The following EYS variants were observed in gnomAD, a reference collection of about 807,000 sequenced individuals.
EYS encodes protein eyes shut homolog.
In EYS, 250 loss-of-function variants were observed where a neutral mutation model predicts 282.1. The ratio of observed to expected loss-of-function variants is 0.89; its 90% CI spans 0.80 to 0.98. The LOEUF (loss-of-function observed/expected upper bound fraction) is 0.98. EYS is among the 50% of genes least tolerant of loss of function. The probability of loss-of-function intolerance (pLI) is 0.00; values close to 1 mark genes in which losing one functional copy is unlikely to be tolerated. For synonymous variants in EYS, 1,355 were observed against 1,282.9 expected (o/e 1.06, Z -1.20); for missense variants, 4,016 against 3,709.0 (o/e 1.08, Z -2.15).
At chr6:65,180,816 G>A (rs1432560099) in intron 12 of EYS, among the ~76,000 whole-genome samples, 2 of 152,024 alleles carry the variant, frequency 1.3e-5, no homozygotes, top group Non-Finnish European at 2.9e-5. Flanking sequence ...ATACTACAAG[G>A]CTACAGTAAC....
intron 1 of EYS, among the ~76,000 whole-genome samples, chr6:65,691,427 T>C (rs1346724551): frequency 1.3e-5 from 2 of 150,284 alleles, no homozygotes; most frequent in African/African-American, 4.9e-5. Flanking sequence ...TTTGATAGGG[T>C]TGTTTGTTTT....
chr6:65,234,443 A>G (rs1194789457), intron 12 of EYS, among the ~76,000 whole-genome samples: 1 of 152,202 alleles, frequency 6.6e-6, no homozygotes, highest in Non-Finnish European at 1.5e-5. Context: ...CTTCTCTACC[A>G]GTGAGGGCTA....
intron 29 of EYS, among the ~76,000 whole-genome samples, chr6:64,341,754 T>A (rs1241413248): frequency 1.3e-5 from 2 of 151,664 alleles, no homozygotes; most frequent in Admixed American, 6.6e-5. Flanking sequence ...TCCTTTATCT[T>A]TCATAGATGG....
chr6:64,726,631 CCTGA>C (rs1316734070), intron 22 of EYS, among the ~76,000 whole-genome samples: 3 of 152,022 alleles, frequency 2.0e-5, no homozygotes, highest in East Asian at 3.9e-4. Context: ...AGAATTTATC[CCTGA>C]CTAATTCAAC....
chr6:65,288,753 A>T (rs1348247822), intron 12 of EYS, among the ~76,000 whole-genome samples: 1 of 151,284 alleles, frequency 6.6e-6, no homozygotes, highest in Middle Eastern at 3.4e-3. Context: ...GTCTCCTGCT[A>T]TTTTAAAGAT....
chr6:64,688,181 G>A (rs1369772909), intron 22 of EYS, among the ~76,000 whole-genome samples: 3 of 151,556 alleles, frequency 2.0e-5, no homozygotes, highest in Non-Finnish European at 2.9e-5. Flanking sequence ...AACAGCTCCC[G>A]GATTCATTGA....
At chr6:65,650,524 G>C (rs1174649896) in intron 1 of EYS, among the ~76,000 whole-genome samples, 2 of 152,168 alleles carry the variant, frequency 1.3e-5, no homozygotes, top group East Asian at 3.8e-4. Flanking sequence ...GGTTATTTCA[G>C]AATACTTTGT....
intron 5 of EYS, among the ~76,000 whole-genome samples, chr6:65,418,645 A>C (rs1350717525): frequency 6.6e-6 from 1 of 151,996 alleles, no homozygotes; most frequent in African/African-American, 2.4e-5. Flanking sequence ...ACCAAACACC[A>C]CATGTTTTCA....
intron 12 of EYS, among the ~76,000 whole-genome samples, chr6:65,059,889 G>T (rs1773519904): frequency 6.6e-6 from 1 of 152,048 alleles, no homozygotes; most frequent in African/African-American, 2.4e-5. Flanking sequence ...ATATTAACAT[G>T]ATACTCTTCT....
chr6:63,805,728 T>TTC (rs1770888512), intron 37 of EYS, among the ~76,000 whole-genome samples: 1 of 152,222 alleles, frequency 6.6e-6, no homozygotes, highest in Admixed American at 6.5e-5. Flanking sequence ...TCCTCATGCG[T>TTC]TCTCGTGATA....
intron 22 of EYS, among the ~76,000 whole-genome samples, chr6:64,663,077 A>T (rs1248101161): frequency 6.6e-6 from 1 of 151,842 alleles, no homozygotes; most frequent in Non-Finnish European, 1.5e-5. Flanking sequence ...ATTTTTAAAA[A>T]TCTGTAAGAG....
intron 23 of EYS, 62 bp downstream of exon 23, chr6:64,626,059 C>T (rs986246265): frequency 9.0e-6 from 9 of 1,000,256 alleles, no homozygotes; most frequent in Admixed American, 7.8e-5. Flanking sequence ...TGTCCATATA[C>T]ATTTACATAA....
intron 35 of EYS, among the ~76,000 whole-genome samples, chr6:63,943,196 T>G (rs1054691073): frequency 6.6e-6 from 1 of 152,174 alleles, no homozygotes; most frequent in African/African-American, 2.4e-5. Context: ...CTGGATGTAT[T>G]TATTATTTGA....
In EYS at chr6:65,019,776, C is replaced by T. The variant is rs570318896; in HGVS notation, c.2138-22073G>A. ...TCCATTCTCATGAGGCCAATAAAGACATCCCTGAGACTGGGTAATTTGTAA... is the reference window on the plus strand; with the variant it reads ...TCCATTCTCATGAGGCCAATAAAGATATCCCTGAGACTGGGTAATTTGTAA... On this transcript the variant is annotated intron_variant, in intron 13 of 42. Coordinates refer to ENST00000503581, the MANE Select transcript of EYS (RefSeq NM_001142800.2). 1.1e-4 allele frequency among the ~76,000 whole-genome samples: 17 copies of T among 152,252 alleles called. 1 individual carries two copies. The South Asian group carries it at 3.5e-3, about 32-fold the overall frequency.
chr6:64,249,257 T>C (rs373474400), intron 30 of EYS, among the ~76,000 whole-genome samples: 9 of 152,292 alleles, frequency 5.9e-5, no homozygotes, highest in African/African-American at 2.2e-4. Flanking sequence ...GAAGCCGTTA[T>C]CTTATTTGAA....
At chr6:65,523,378 C>A (rs1767442759) in intron 2 of EYS, among the ~76,000 whole-genome samples, 1 of 152,032 alleles carries the variant, frequency 6.6e-6, no homozygotes, top group Non-Finnish European at 1.5e-5. Context: ...CCATTTGAAA[C>A]AACATAGGTA....
intron 5 of EYS, among the ~76,000 whole-genome samples, chr6:65,415,282 TG>T (rs1767185725): frequency 6.6e-6 from 1 of 152,054 alleles, no homozygotes; most frequent in African/African-American, 2.4e-5. Context: ...AGATTTCACC[TG>T]GTATCTCATT....
intron 29 of EYS, among the ~76,000 whole-genome samples, chr6:64,350,847 A>T (rs978682024): frequency 2.6e-5 from 4 of 151,338 alleles, no homozygotes; most frequent in African/African-American, 9.7e-5. Flanking sequence ...ACCTCGTGGG[A>T]GGTGATTAGT....
chr6:65,426,912 C>A (rs1767685609), intron 5 of EYS, among the ~76,000 whole-genome samples: 1 of 151,908 alleles, frequency 6.6e-6, no homozygotes, highest in African/African-American at 2.4e-5. Flanking sequence ...TTGATTTAAA[C>A]TTTATGGATT....
Sources: allele counts gnomAD v4.1 joint callset (sites outside exome capture counted in the v4.1 genomes callset), GRCh38; gene constraint gnomAD v4.1.1; transcripts MANE v1.5; gene names NCBI Gene and HGNC (gene_info 2026-07-23, HGNC 2026-07-21).